The following CRACD variants were observed in gnomAD, a reference collection of about 807,000 sequenced individuals.
The protein encoded by CRACD is capping protein inhibiting regulator of actin dynamics.
In CRACD, 56 loss-of-function variants were observed where a neutral mutation model predicts 106.8. That is an observed-to-expected ratio of 0.52 (90% CI 0.42 to 0.66). The LOEUF (loss-of-function observed/expected upper bound fraction) is 0.66. Ranked by LOEUF, CRACD falls within the 30% of genes least tolerant of loss-of-function variation. CRACD has a pLI of 0.00. For synonymous variants in CRACD, 754 were observed against 670.8 expected, an observed-to-expected ratio of 1.12 and a Z score of -1.92; for missense variants, 1,730 against 1,623.2, an observed-to-expected ratio of 1.07 and a Z score of -1.13.
intron 1 of CRACD, among the ~76,000 whole-genome samples, chr4:56,160,727 C>T (rs1735922642): frequency 6.6e-6 from 1 of 152,184 alleles, no homozygotes; most frequent in Non-Finnish European, 1.5e-5. Flanking sequence ...GCCTACCTTT[C>T]CCAGGTATTA....
intron 2 of CRACD, among the ~76,000 whole-genome samples, chr4:56,193,319 G>C (rs1037517512): frequency 1.3e-5 from 2 of 152,116 alleles, no homozygotes; most frequent in Non-Finnish European, 2.9e-5. Context: ...AAATTTGTAG[G>C]GGGGCACACA....
intron 3 of CRACD, among the ~76,000 whole-genome samples, chr4:56,279,996 A>T (rs927723187): frequency 1.3e-5 from 2 of 151,818 alleles, no homozygotes; most frequent in Non-Finnish European, 2.9e-5. Flanking sequence ...CTTTGTAGGG[A>T]CATGGATGAA....
At chr4:56,086,382 A>G (rs1485818518) in intron 1 of CRACD, among the ~76,000 whole-genome samples, 1 of 151,836 alleles carries the variant, frequency 6.6e-6, no homozygotes, top group Non-Finnish European at 1.5e-5. Flanking sequence ...GCCTCAAGCA[A>G]TCCTCCTACC....
intron 1 of CRACD, among the ~76,000 whole-genome samples, chr4:56,051,527 C>A (rs4645275): frequency 0.32 from 49,044 of 151,918 alleles, 9,090 homozygotes; most frequent in African/African-American, 0.51. Flanking sequence ...CAGATATTAT[C>A]ATTCCCGTTT....
At chr4:56,284,758 G>A (rs1743239650) in intron 3 of CRACD, among the ~76,000 whole-genome samples, 1 of 151,974 alleles carries the variant, frequency 6.6e-6, no homozygotes, top group Non-Finnish European at 1.5e-5. Context: ...AATCACATCT[G>A]TGTCGTACTT....
chr4:56,171,132 A>T lies in CRACD; in HGVS notation c.-335-8152A>T, dbSNP rs147147835. On this transcript the variant is annotated intron_variant, in intron 1 of 10. Coordinates refer to ENST00000682029, the MANE Select transcript of CRACD (RefSeq NM_001393381.1). ...TGACAGAGAATGAAAAAGCAGAATG[A>T]CAGAGATCGTCTTAGAAAGACCATG... Among the ~76,000 whole-genome samples, 582 of 152,318 alleles carry T rather than the reference A, an allele frequency of 3.8e-3. 6 individuals carry two copies. Among genetic ancestry groups the T allele is most frequent in the Middle Eastern group, 0.034 (10 of 294 alleles).
In CRACD at chr4:56,310,564, G is replaced by A. The variant is rs1745080796; in HGVS notation, c.286-102G>A. ...TCTCTGAGGCCAGCTGCACCCCTGTGTAGAGGAGGGGGTGACCCTACCCAG... is the reference window on the plus strand; with the variant it reads ...TCTCTGAGGCCAGCTGCACCCCTGTATAGAGGAGGGGGTGACCCTACCCAG... On this transcript the variant is annotated intron_variant, in intron 5 of 10. Coordinates refer to ENST00000682029, the MANE Select transcript of CRACD (RefSeq NM_001393381.1). 1.3e-5 allele frequency: 11 copies of A among 818,256 alleles called. 1 individual carries two copies. In the South Asian group the frequency reaches 1.4e-4, roughly 11 times the overall value. The allele number at this position is 818,256 out of a possible 1,614,324, so 50.7% of individuals were successfully genotyped here.
At chr4:56,312,650 G>A (rs1426621460) in intron 6 of CRACD, among the ~76,000 whole-genome samples, 3 of 152,200 alleles carry the variant, frequency 2.0e-5, no homozygotes, top group Non-Finnish European at 4.4e-5. Context: ...ACTAAGTCCT[G>A]TGTAGGAGCT....
intron 2 of CRACD, among the ~76,000 whole-genome samples, chr4:56,247,175 T>A (rs1740730496): frequency 6.6e-6 from 1 of 152,162 alleles, no homozygotes; most frequent in African/African-American, 2.4e-5. Context: ...CACTGTGGCA[T>A]GAGACCCTTT....
intron 6 of CRACD, 132 bp downstream of exon 6, chr4:56,310,866 C>T (rs1391322707): frequency 1.6e-6 from 1 of 609,484 alleles, no homozygotes; most frequent in South Asian, 2.0e-5. Context: ...ATTTAAATTC[C>T]TTCAGAATGC....
chr4:56,275,572 A>C (rs149132519), intron 3 of CRACD, among the ~76,000 whole-genome samples: 103 of 152,374 alleles, frequency 6.8e-4, no homozygotes, highest in African/African-American at 2.2e-3. Context: ...TATGTTGATT[A>C]TGGTATAACT....
chr4:56,057,975 C>G (rs1385547709), intron 1 of CRACD, among the ~76,000 whole-genome samples: 1 of 122,224 alleles, frequency 8.2e-6, no homozygotes, highest in Non-Finnish European at 1.7e-5. Context: ...CCCGCTACCA[C>G]GCCCAGCTAA....
intron 2 of CRACD, among the ~76,000 whole-genome samples, chr4:56,222,090 A>G (rs890363715): frequency 1.6e-4 from 25 of 152,320 alleles, no homozygotes; most frequent in African/African-American, 5.8e-4. Context: ...GCCTGCACGC[A>G]TATGTTTTTT....
intron 1 of CRACD, among the ~76,000 whole-genome samples, chr4:56,148,792 G>C (rs998647481): frequency 1.3e-5 from 2 of 151,372 alleles, no homozygotes; most frequent in South Asian, 4.2e-4. Flanking sequence ...TTCAACTGTA[G>C]TGATGTTTAT....
chr4:56,071,243 T>C (rs1247341780), intron 1 of CRACD, among the ~76,000 whole-genome samples: 1 of 152,192 alleles, frequency 6.6e-6, no homozygotes, highest in Admixed American at 6.5e-5. Context: ...AATTGAGTCC[T>C]TGCAAGAAAG....
rs543764953 is a variant in CRACD, at chr4:56,329,718, A to T, written c.*1914A>T. ...TTCCTCACTAATATAACACTTTTTAATGGGAATCTTTCCACCTACAGCCCT... is the reference window on the plus strand; with the variant it reads ...TTCCTCACTAATATAACACTTTTTATTGGGAATCTTTCCACCTACAGCCCT... On this transcript the variant is annotated 3_prime_UTR_variant, in exon 11 of 11. Coordinates refer to ENST00000682029, the MANE Select transcript of CRACD (RefSeq NM_001393381.1). Among the ~76,000 whole-genome samples the T allele has an allele frequency of 3.2e-4, 48 of 152,264 alleles. No individual in the cohort carries two copies. In the South Asian group the frequency reaches 9.9e-3, roughly 32 times the overall value.
At chr4:56,153,602 A>G (rs555148168) in intron 1 of CRACD, among the ~76,000 whole-genome samples, 42 of 152,140 alleles carry the variant, frequency 2.8e-4, no homozygotes, top group Non-Finnish European at 5.6e-4. Context: ...ACTTTTATCC[A>G]TGAAAATCAG....
chr4:56,207,385 G>C (rs1738174254), intron 2 of CRACD, among the ~76,000 whole-genome samples: 1 of 152,186 alleles, frequency 6.6e-6, no homozygotes, highest in South Asian at 2.1e-4. Context: ...TGGAGAAAGA[G>C]ACCTAACATG....
intron 2 of CRACD, among the ~76,000 whole-genome samples, chr4:56,255,356 C>G (rs1278005714): frequency 1.3e-5 from 2 of 152,064 alleles, no homozygotes; most frequent in Non-Finnish European, 2.9e-5. Flanking sequence ...CTTCAGGGCT[C>G]ATTTCTGGTT....
Sources: gnomAD v4.1 joint callset for allele counts (sites outside exome capture counted in the v4.1 genomes callset) on GRCh38, gnomAD v4.1.1 for gene constraint, MANE v1.5 for transcripts, NCBI Gene and HGNC (gene_info 2026-07-23, HGNC 2026-07-21) for gene names.